Variants in PCDH15 observed in about 807,000 individuals in gnomAD.
PCDH15 encodes protocadherin related 15.
A neutral mutation model predicts 178.5 loss-of-function variants in PCDH15; 129 were observed. The observed-to-expected ratio is 0.72, with a 90% CI of 0.63 to 0.84. The LOEUF (loss-of-function observed/expected upper bound fraction) is 0.84, where lower values mean the gene tolerates loss of function less well. Ranked by LOEUF, PCDH15 falls within the 40% of genes least tolerant of loss-of-function variation. The probability of loss-of-function intolerance (pLI) is 0.00; values close to 1 mark genes in which losing one functional copy is unlikely to be tolerated. For synonymous variants in PCDH15, 800 were observed against 732.0 expected, an observed-to-expected ratio of 1.09 and a Z score of -1.50; for missense variants, 2,230 against 2,099.9, an observed-to-expected ratio of 1.06 and a Z score of -1.21.
At chr10:54,646,634 A>T (rs1337001030) in intron 2 of PCDH15, among the ~76,000 whole-genome samples, 1 of 152,000 alleles carries the variant, frequency 6.6e-6, no homozygotes, top group Non-Finnish European at 1.5e-5. Context: ...ATTGTATTGG[A>T]TCAGTAGGGC....
At chr10:55,466,314 T>C (rs942181252) in intron 2 of PCDH15, among the ~76,000 whole-genome samples, 1 of 152,166 alleles carries the variant, frequency 6.6e-6, no homozygotes, top group African/African-American at 2.4e-5. Flanking sequence ...AACTTTTATG[T>C]TAAAATTCAT....
chr10:53,980,303 T>C (rs2090529313), intron 21 of PCDH15, among the ~76,000 whole-genome samples: 2 of 152,114 alleles, frequency 1.3e-5, no homozygotes, highest in South Asian at 2.1e-4. Flanking sequence ...GGAAGTTACA[T>C]AAATTAAAGC....
intron 15 of PCDH15, among the ~76,000 whole-genome samples, chr10:54,102,832 A>G (rs567331679): frequency 3.9e-5 from 6 of 152,132 alleles, no homozygotes; most frequent in South Asian, 2.1e-4. Flanking sequence ...GACAGATCCG[A>G]GCTGAAACCC....
intron 1 of PCDH15, among the ~76,000 whole-genome samples, chr10:55,219,148 G>C (rs566938313): frequency 6.6e-6 from 1 of 151,978 alleles, no homozygotes; most frequent in African/African-American, 2.4e-5. Context: ...ACTAATCTCA[G>C]TATGTTTCAC....
chr10:54,807,670 A>G (rs1952800241), intron 3 of PCDH15, among the ~76,000 whole-genome samples: 2 of 148,776 alleles, frequency 1.3e-5, no homozygotes, highest in Non-Finnish European at 3.0e-5. Context: ...TACAAGGTTT[A>G]CTTATTTATA....
chr10:54,775,873 A>G (rs1374086022), intron 1 of PCDH15, among the ~76,000 whole-genome samples: 5 of 152,108 alleles, frequency 3.3e-5, no homozygotes, highest in African/African-American at 4.8e-5. Context: ...GCGACAGAGC[A>G]AGACTCCGTC....
In PCDH15 at chr10:53,888,300, A is replaced by ATACATATATATACATATATATACG. The variant is rs1564690594; in HGVS notation, c.3501+14942_3501+14943insCGTATATATATGTATATATATGTA. On this transcript the variant is annotated intron_variant, in intron 26 of 37. Transcript: ENST00000644397. ...TCCAACACTATATATACATATATAT[A>ATACATATATATACATATATATACG]TATATATATGTATATATGTACGTAT... is the stretch of plus-strand genomic sequence containing the variant. 1.5e-3 allele frequency among the ~76,000 whole-genome samples: 126 copies of ATACATATATATACATATATATACG among 82,010 alleles called. 6 individuals are homozygous for ATACATATATATACATATATATACG. Among genetic ancestry groups the ATACATATATATACATATATATACG allele is most frequent in the African/African-American group, 5.6e-3 (112 of 20,010 alleles). 53.8% of individuals were successfully genotyped at this position (82,010 alleles called of 152,430 possible).
At chr10:54,518,461 A>G (rs1245044648) in intron 3 of PCDH15, among the ~76,000 whole-genome samples, 1 of 152,230 alleles carries the variant, frequency 6.6e-6, no homozygotes, top group African/African-American at 2.4e-5. Flanking sequence ...GAAAATCTAG[A>G]AGAAATGGAT....
intron 2 of PCDH15, among the ~76,000 whole-genome samples, chr10:55,605,797 A>G (rs1843202747): frequency 2.3e-5 from 1 of 43,642 alleles, no homozygotes; most frequent in South Asian, 9.8e-4. Context: ...ATCATACTGA[A>G]TGGGCAAAAA....
At chr10:55,255,392 G>T (rs1428496137) in intron 1 of PCDH15, among the ~76,000 whole-genome samples, 1 of 152,098 alleles carries the variant, frequency 6.6e-6, no homozygotes, top group Non-Finnish European at 1.5e-5. Context: ...TTGCTATTGT[G>T]AATAGTGCCA....
intron 8 of PCDH15, among the ~76,000 whole-genome samples, chr10:54,249,715 T>C (rs1591415130): frequency 6.6e-6 from 1 of 152,074 alleles, no homozygotes; most frequent in Admixed American, 6.5e-5. Flanking sequence ...TTAAACCATC[T>C]GAAAATTATG....
intron 8 of PCDH15, among the ~76,000 whole-genome samples, chr10:54,258,284 T>G (rs1158440651): frequency 1.3e-5 from 2 of 152,158 alleles, no homozygotes; most frequent in African/African-American, 4.8e-5. Context: ...AAGGAAAATA[T>G]AAACAGTCAA....
chr10:55,523,858 G>C (rs1484503510), intron 2 of PCDH15, among the ~76,000 whole-genome samples: 1 of 151,368 alleles, frequency 6.6e-6, no homozygotes, highest in Non-Finnish European at 1.5e-5. Flanking sequence ...ATAATGTTTT[G>C]AGGATAGTAA....
chr10:54,777,156 T>C (rs922254361), intron 1 of PCDH15, among the ~76,000 whole-genome samples: 1 of 152,164 alleles, frequency 6.6e-6, no homozygotes, highest in Non-Finnish European at 1.5e-5. Flanking sequence ...GGTGACTATT[T>C]TCATGCAATC....
chr10:54,008,127 T>G (rs542897560), intron 20 of PCDH15, among the ~76,000 whole-genome samples: 11 of 152,290 alleles, frequency 7.2e-5, no homozygotes, highest in African/African-American at 2.4e-4. Context: ...TTGGGAGAAT[T>G]TCCTACAAAT....
intron 2 of PCDH15, among the ~76,000 whole-genome samples, chr10:55,554,665 C>T (rs761485456): frequency 3.4e-4 from 51 of 151,980 alleles, no homozygotes; most frequent in Admixed American, 9.9e-4. Flanking sequence ...GTATGCAGGA[C>T]TTCAGTTTAT....
chr10:54,296,205 G>A (rs2059776031), intron 8 of PCDH15, among the ~76,000 whole-genome samples: 1 of 148,864 alleles, frequency 6.7e-6, no homozygotes, highest in East Asian at 2.0e-4. Flanking sequence ...AAACACGGGT[G>A]TCAGGCATTC....
At chr10:54,069,247 C>T (rs915915557) in intron 17 of PCDH15, among the ~76,000 whole-genome samples, 3 of 152,094 alleles carry the variant, frequency 2.0e-5, no homozygotes, top group African/African-American at 7.2e-5. Context: ...CCCCTTTACA[C>T]CAGCCTGTCT....
At chr10:55,509,112 A>T (rs940707854) in intron 2 of PCDH15, among the ~76,000 whole-genome samples, 11 of 151,810 alleles carry the variant, frequency 7.2e-5, no homozygotes, top group Non-Finnish European at 1.2e-4. Context: ...AGTAAGGCAA[A>T]GAGAGATAAG....
Sources: gnomAD v4.1 joint callset for allele counts (sites outside exome capture counted in the v4.1 genomes callset) on GRCh38, gnomAD v4.1.1 for gene constraint, MANE v1.5 for transcripts, NCBI Gene and HGNC (gene_info 2026-07-23, HGNC 2026-07-21) for gene names.